DNAI7: variants seen among roughly 807,000 people sequenced by gnomAD.
DNAI7 encodes cancer susceptibility 1.
DNAI7 carries 78 observed loss-of-function variants against 86.6 expected under a neutral mutation model. The observed-to-expected ratio is 0.90, with a 90% CI of 0.75 to 1.09. The LOEUF is 1.09. Ranked by LOEUF, DNAI7 falls within the 50% of genes least tolerant of loss-of-function variation. The pLI is 0.00. For missense variants in DNAI7, 753 were observed against 810.2 expected (o/e 0.93, Z 0.86); for synonymous variants, 274 against 273.0 (o/e 1.00, Z -0.04).
In DNAI7 at chr12:25,172,752, G is replaced by C. The variant is rs1319058693; in HGVS notation, c.22-11555C>G. On this transcript the variant is annotated intron_variant, in intron 2 of 15. Transcript: ENST00000395987. ...ACAGTGTGGTACTGGTATAAAAATA[G>C]GCTCATAGATCAATGGAACAGAATA... 5.3e-5 allele frequency among the ~76,000 whole-genome samples: 8 copies of C among 152,088 alleles called. No individual in the cohort carries two copies. The South Asian group carries it at 1.7e-3, about 31-fold the overall frequency.
chr12:25,176,909 T>TC (rs1287508012), intron 2 of DNAI7, among the ~76,000 whole-genome samples: 1 of 147,570 alleles, frequency 6.8e-6, no homozygotes. Flanking sequence ...TTCTTTTTTT[T>TC]TTTTTTTTTT....
chr12:25,115,531 A>G (rs1939901454), intron 12 of DNAI7, among the ~76,000 whole-genome samples: 1 of 79,510 alleles, frequency 1.3e-5, no homozygotes. Context: ...GATTTGAATA[A>G]ACATTTCACC....
At chr12:25,129,413 A>G (rs1942573050) in intron 9 of DNAI7, among the ~76,000 whole-genome samples, 2 of 152,214 alleles carry the variant, frequency 1.3e-5, no homozygotes, top group South Asian at 4.1e-4. Context: ...ATAAATATTC[A>G]GTAAGTGAGT....
At chr12:25,113,938 GTTTTTTTTTTT>G (rs112532652) in intron 13 of DNAI7, among the ~76,000 whole-genome samples, 3 of 82,834 alleles carry the variant, frequency 3.6e-5, no homozygotes, top group African/African-American at 4.9e-5. Context: ...TTCTTTCTGG[GTTTTTTTTTTT>G]TTTTTTTTTT....
chr12:25,134,352 CTTTT>C (rs5797119), intron 9 of DNAI7, among the ~76,000 whole-genome samples: 1 of 91,160 alleles, frequency 1.1e-5, no homozygotes, highest in South Asian at 4.1e-4. Context: ...CCTTGGCGTA[CTTTT>C]TTTTTTTTTT....
chr12:25,111,950 T>C lies in DNAI7; in HGVS notation c.1612-11A>G. The stretch of plus-strand genomic sequence containing the variant: ...CATGCAGAGGTTTTCCTAGTTTAAA[T>C]AAGAAAAAAGAAGCTTTTATGTAAG... On this transcript the variant is annotated splice_polypyrimidine_tract_variant and intron_variant, in intron 13 of 15. Transcript: ENST00000395987. 6.5e-7 allele frequency: 1 copy of C among 1,549,532 alleles called. No individual in the cohort carries two copies. Among genetic ancestry groups the C allele is most frequent in the Non-Finnish European group, 8.7e-7 (1 of 1,148,982 alleles).
chr12:25,161,257 T>A lies in DNAI7; in HGVS notation c.22-60A>T. 3 of 1,354,568 alleles carry A rather than the reference T, an allele frequency of 2.2e-6. No individual in the cohort carries two copies. In the East Asian group the frequency reaches 6.9e-5, roughly 31 times the overall value. 83.9% of individuals were successfully genotyped at this position (1,354,568 alleles called of 1,614,324 possible). A position where few individuals can be genotyped will look rare whatever the true frequency, so the allele number is the denominator to read the frequency against. On this transcript the variant is annotated intron_variant, in intron 2 of 15. Coordinates refer to ENST00000395987, the MANE Select transcript of DNAI7 (RefSeq NM_018272.5). ...ACATGCAAGTTACTTGAAAAACACA[T>A]CTTTTCAAATACTAATTATGAAAAA...
chr12:25,113,266 TTTGTTGTTGTTGCTGTTGTTGTTGTTG>T (rs1939329886), intron 13 of DNAI7, among the ~76,000 whole-genome samples: 1 of 136,576 alleles, frequency 7.3e-6, no homozygotes, highest in Non-Finnish European at 1.6e-5. Flanking sequence ...TCTCACCTAG[TTTGTTGTTGTTGCTGTTGTTGTTGTTG>T]TTGTTGTTGT....
chr12:25,143,077 T>C (rs1250711932), intron 9 of DNAI7, among the ~76,000 whole-genome samples: 2 of 152,184 alleles, frequency 1.3e-5, no homozygotes, highest in Non-Finnish European at 2.9e-5. Flanking sequence ...TAAAGAAGAA[T>C]AAATCATTTC....
rs142149440 is a variant in DNAI7, at chr12:25,146,327, T to C, written c.689+674A>G. On this transcript the variant is annotated intron_variant, in intron 8 of 15. Coordinates refer to ENST00000395987, the MANE Select transcript of DNAI7 (RefSeq NM_018272.5). ...GAAAGTACCTATTAGCTGGGCGCAG[T>C]GGCTCACGCCTGTAATCCCAGCACT... Among the ~76,000 whole-genome samples, 355 of 151,538 alleles carry C rather than the reference T, an allele frequency of 2.3e-3. 1 individual carries two copies. The highest frequency in any genetic ancestry group is 8.8e-3 in the South Asian group (42 of 4,782).
At chr12:25,169,575 C>G (rs114701764) in intron 2 of DNAI7, among the ~76,000 whole-genome samples, 2 of 152,118 alleles carry the variant, frequency 1.3e-5, no homozygotes, top group Admixed American at 6.5e-5. Context: ...AGGCCAGGAG[C>G]GATAGCTCAT....
chr12:25,121,815 G>A lies in DNAI7; in HGVS notation c.1177C>T (p.His393Tyr), dbSNP rs746245657. Residue 393 changes from histidine (H) to tyrosine (Y), a missense_variant, in exon 11 of 16, where the codon CAC (histidine) becomes TAC (tyrosine). His to Tyr is a moderately conservative substitution (Grantham distance 83). Coordinates refer to ENST00000395987, the MANE Select transcript of DNAI7 (RefSeq NM_018272.5). ...GGAGGAAGCTCCAAAATATCCAAGTGGTATACTCCACCCAGAGTTGTGAAC... is the reference window on the plus strand; with the variant it reads ...GGAGGAAGCTCCAAAATATCCAAGTAGTATACTCCACCCAGAGTTGTGAAC... ...CQFTTLGGVY[H>Y]LDILELPPQC... The A allele has an allele frequency of 1.1e-5, 17 of 1,606,272 alleles. No homozygotes were observed. The East Asian group carries it at 3.8e-4, about 36-fold the overall frequency.
intron 2 of DNAI7, among the ~76,000 whole-genome samples, chr12:25,163,052 G>A (rs767407771): frequency 6.6e-6 from 1 of 152,238 alleles, no homozygotes; most frequent in African/African-American, 2.4e-5. Flanking sequence ...AATACGGTGA[G>A]TGCCCCAATT....
At chr12:25,141,655 C>A (rs1269573481) in intron 9 of DNAI7, among the ~76,000 whole-genome samples, 1 of 152,024 alleles carries the variant, frequency 6.6e-6, no homozygotes, top group East Asian at 1.9e-4. Flanking sequence ...ATGGTGAAAC[C>A]CTGTATCTAC....
chr12:25,125,783 G>A (rs1217675399), intron 9 of DNAI7, among the ~76,000 whole-genome samples: 1 of 152,000 alleles, frequency 6.6e-6, no homozygotes, highest in Non-Finnish European at 1.5e-5. Context: ...GTTGATTTTT[G>A]TAAACAGTAT....
chr12:25,133,213 A>T (rs1403638407), intron 9 of DNAI7, among the ~76,000 whole-genome samples: 1 of 149,062 alleles, frequency 6.7e-6, no homozygotes, highest in Non-Finnish European at 1.5e-5. Flanking sequence ...TTTAAATCTT[A>T]GTCAACTGCC....
At chr12:25,116,408 T>A (rs1940107173) in intron 12 of DNAI7, among the ~76,000 whole-genome samples, 1 of 152,206 alleles carries the variant, frequency 6.6e-6, no homozygotes, top group South Asian at 2.1e-4. Flanking sequence ...ATTACTAGAA[T>A]TGTAAATTAC....
chr12:25,188,737 G>A (rs1378934039), intron 2 of DNAI7, among the ~76,000 whole-genome samples: 4 of 150,988 alleles, frequency 2.6e-5, no homozygotes, highest in Non-Finnish European at 5.9e-5. Context: ...AAATTTCATA[G>A]GAAGAATCTC....
intron 9 of DNAI7, among the ~76,000 whole-genome samples, chr12:25,132,478 A>C (rs1943048274): frequency 6.6e-6 from 1 of 151,436 alleles, no homozygotes. Context: ...CAAATATCCA[A>C]ACAAACTAGT....
Sources: allele counts gnomAD v4.1 joint callset (sites outside exome capture counted in the v4.1 genomes callset), GRCh38; gene constraint gnomAD v4.1.1; transcripts MANE v1.5; gene names NCBI Gene and HGNC (gene_info 2026-07-23, HGNC 2026-07-21).